The following C1orf115 variants were observed in gnomAD, a reference collection of about 807,000 sequenced individuals.
C1orf115 encodes the protein chromosome 1 open reading frame 115.
In C1orf115, 14 loss-of-function variants were observed where a neutral mutation model predicts 12.5. That is an observed-to-expected ratio of 1.12 (90% CI 0.74 to 1.75). The LOEUF is 1.75. C1orf115 is among the 40% of genes most tolerant of loss of function. The pLI, the probability that C1orf115 is intolerant of heterozygous loss-of-function variation, is 0.00. For missense variants in C1orf115, 237 were observed against 220.8 expected (o/e 1.07, Z -0.46); for synonymous variants, 109 against 104.6 (o/e 1.04, Z -0.26).
At position 220,697,307 on chromosome 1, in the gene C1orf115, G is replaced by A. The variant is rs567607062; in HGVS notation, c.*576G>A. The A allele has an allele frequency of 6.6e-6, 1 of 152,292 alleles. No individual in the cohort carries two copies. The highest frequency in any genetic ancestry group is 1.9e-4 in the East Asian group (1 of 5,180). The allele number at this position is 152,292 out of a possible 1,614,324, so 9.4% of individuals were successfully genotyped here. The stretch of plus-strand genomic sequence containing the variant: ...GCTTGAGGAGAAGAAAGGAAGAAAA[G>A]ATATCTTGATGCTTTGAAAACTGTG... On this transcript the variant is annotated 3_prime_UTR_variant, in exon 2 of 2. Coordinates refer to ENST00000294889, the MANE Select transcript of C1orf115 (RefSeq NM_024709.5). This position sits in a 1 kb window ranked among gnomAD's most constrained non-coding sequence, Gnocchi z 4.5.
intron 1 of C1orf115, among the ~76,000 whole-genome samples, chr1:220,691,836 C>CA (rs1487292034): frequency 6.6e-6 from 1 of 152,118 alleles, no homozygotes; most frequent in Non-Finnish European, 1.5e-5. Flanking sequence ...TTGTGCTGAG[C>CA]AGTAGAGATG....
At chr1:220,690,789 A>G (rs970771734) in intron 1 of C1orf115, 78 bp downstream of exon 1, 9 of 1,483,156 alleles carry the variant, frequency 6.1e-6, no homozygotes, top group Non-Finnish European at 8.1e-6. Context: ...GGTCCTTACC[A>G]TCGACTCACC....
Position 220,690,456 on chromosome 1 carries a change from C to A in C1orf115, c.54C>A (p.Arg18=). 1.4e-6 allele frequency: 2 copies of A among 1,448,414 alleles called. No individual in the cohort carries two copies. Among genetic ancestry groups the A allele is most frequent in the Admixed American group, 2.8e-5 (1 of 35,212 alleles). The allele number at this position is 1,448,414 out of a possible 1,614,324, so 89.7% of individuals were successfully genotyped here. A position where few individuals can be genotyped will look rare whatever the true frequency, so the allele number is the denominator to read the frequency against. ...RSKAESSLLR[R]GPRGRGRTEG... is the part of the protein sequence containing the mutation. Reference sequence around the variant, plus strand: ...AGGCGGAGAGCAGCCTCCTGCGCCGCGGGCCCCGAGGGCGAGGGCGAACCG... The same window carrying A: ...AGGCGGAGAGCAGCCTCCTGCGCCGAGGGCCCCGAGGGCGAGGGCGAACCG... The change falls in exon 1 of 2, where the codon CGC becomes CGA. Residue 18 remains arginine (R), a synonymous_variant. Transcript: ENST00000294889.
chr1:220,691,630 C>T (rs1670109456), intron 1 of C1orf115, among the ~76,000 whole-genome samples: 1 of 152,208 alleles, frequency 6.6e-6, no homozygotes, highest in Non-Finnish European at 1.5e-5. Flanking sequence ...GAGCAGAATA[C>T]AGGCAGGGGT....
At position 220,690,395 on chromosome 1, in the gene C1orf115, G is replaced by A. The variant is rs199949758; in HGVS notation, c.-8G>A. ...CGCTCGGACCTTCGCCAGAGGGGCC[G>A]GGACATCATGACGGTGGGAGCCAGG... On this transcript the variant is annotated 5_prime_UTR_variant, in exon 1 of 2. Coordinates refer to ENST00000294889, the MANE Select transcript of C1orf115 (RefSeq NM_024709.5). 2.3e-5 allele frequency: 32 copies of A among 1,413,586 alleles called. No homozygotes were observed. Among genetic ancestry groups the A allele is most frequent in the Non-Finnish European group, 2.9e-5 (32 of 1,091,912 alleles). The allele number at this position is 1,413,586 out of a possible 1,614,324, so 87.6% of individuals were successfully genotyped here. A position where few individuals can be genotyped will look rare whatever the true frequency, so the allele number is the denominator to read the frequency against.
At position 220,690,553 on chromosome 1, in the gene C1orf115, A is replaced by G; in HGVS notation, c.151A>G (p.Ser51Gly). 1 of 1,464,632 alleles carries G rather than the reference A, an allele frequency of 6.8e-7. No individual in the cohort carries two copies. The highest frequency in any genetic ancestry group is 1.4e-5 in the South Asian group (1 of 71,240). The allele number at this position is 1,464,632 out of a possible 1,614,324, so 90.7% of individuals were successfully genotyped here. The change falls in exon 1 of 2, where the codon AGC (serine) becomes GGC (glycine). Residue 51 changes from serine to glycine, a missense_variant. Coordinates refer to ENST00000294889, the MANE Select transcript of C1orf115 (RefSeq NM_024709.5). ...GGACGAGGCGGAGGCGGCGGCCGAG[A>G]GCGGGACGAGCGCGGCGGACGAGCG... Reference protein sequence around the residue: ...YADEAEAAAESGTSAADERGP... With the variant: ...YADEAEAAAEGGTSAADERGP...
At chr1:220,691,323 T>C (rs1670104105) in intron 1 of C1orf115, among the ~76,000 whole-genome samples, 2 of 152,052 alleles carry the variant, frequency 1.3e-5, no homozygotes, top group Non-Finnish European at 2.9e-5. Flanking sequence ...TTAGGAAGAA[T>C]GAATATGGGA....
intron 1 of C1orf115, among the ~76,000 whole-genome samples, chr1:220,695,401 C>T (rs750126070): frequency 6.6e-6 from 1 of 151,626 alleles, no homozygotes; most frequent in Non-Finnish European, 1.5e-5. Flanking sequence ...CTTTCTCCAC[C>T]GTAACACAGG....
At position 220,690,705 on chromosome 1, in the gene C1orf115, C is replaced by T. The variant is rs751460169; in HGVS notation, c.303C>T (p.Tyr101=). Residue 101 remains tyrosine, a synonymous_variant, in exon 1 of 2, where the codon TAC becomes TAT. Transcript: ENST00000294889. ...RKRYRRKLKK[Y]GKNVGKVIIK... ...GGTACCGGAGGAAGCTGAAGAAGTA[C>T]GGCAAGGTAGGGGCCCTGCGCCACC... 8 of 1,588,524 alleles carry T rather than the reference C, an allele frequency of 5.0e-6. No homozygotes were observed. The highest frequency in any genetic ancestry group is 1.4e-5 in the African/African-American group (1 of 73,702).
chr1:220,690,369 G>A lies in C1orf115; in HGVS notation c.-34G>A. 1.5e-6 allele frequency: 2 copies of A among 1,372,602 alleles called. No individual in the cohort carries two copies. The highest frequency in any genetic ancestry group is 1.9e-6 in the Non-Finnish European group (2 of 1,069,972). 85.0% of individuals were successfully genotyped at this position (1,372,602 alleles called of 1,614,324 possible). ...GCGGGGACCAAAGGTTGGTGTCTTT[G>A]CGCTCGGACCTTCGCCAGAGGGGCC... On this transcript the variant is annotated 5_prime_UTR_variant, in exon 1 of 2. Transcript: ENST00000294889.
intron 1 of C1orf115, among the ~76,000 whole-genome samples, chr1:220,695,048 G>T (rs1222515147): frequency 1.3e-5 from 2 of 152,170 alleles, no homozygotes; most frequent in African/African-American, 4.8e-5. Context: ...GTCAGGGAGA[G>T]AAAGACAGAA....
Position 220,698,146 on chromosome 1 carries a change from T to G in C1orf115, c.*1415T>G, listed in dbSNP as rs1437838745. ...AGTAGGCCACTGTTCTGACTTTGTT[T>G]CCAGAATATCCAGAAATCCAAAGGG... On this transcript the variant is annotated 3_prime_UTR_variant, in exon 2 of 2. Transcript: ENST00000294889. The G allele has an allele frequency of 6.6e-6, 1 of 152,360 alleles. No homozygotes were observed. The highest frequency in any genetic ancestry group is 2.4e-5 in the African/African-American group (1 of 41,414). 9.4% of individuals were successfully genotyped at this position (152,360 alleles called of 1,614,324 possible). A position where few individuals can be genotyped will look rare whatever the true frequency, so the allele number is the denominator to read the frequency against.
chr1:220,690,716 G>A lies in C1orf115; in HGVS notation c.309+5G>A. ...AAGCTGAAGAAGTACGGCAAGGTAG[G>A]GGCCCTGCGCCACCACTGCCCGGGG... On this transcript the variant is annotated splice_donor_5th_base_variant and intron_variant, in intron 1 of 1. Coordinates refer to ENST00000294889, the MANE Select transcript of C1orf115 (RefSeq NM_024709.5). 6.3e-7 allele frequency: 1 copy of A among 1,580,658 alleles called. No homozygotes were observed. Among genetic ancestry groups the A allele is most frequent in the Non-Finnish European group, 8.6e-7 (1 of 1,165,006 alleles).
chr1:220,690,697 A>G lies in C1orf115; in HGVS notation c.295A>G (p.Lys99Glu). 5 of 1,592,840 alleles carry G rather than the reference A, an allele frequency of 3.1e-6. No homozygotes were observed. Among genetic ancestry groups the G allele is most frequent in the Non-Finnish European group, 4.3e-6 (5 of 1,170,976 alleles). ...QPRKRYRRKL[K>E]KYGKNVGKVI... ...CAGGAAGAGGTACCGGAGGAAGCTG[A>G]AGAAGTACGGCAAGGTAGGGGCCCT... The change falls in exon 1 of 2, where the codon AAG (lysine) becomes GAG (glutamate). Residue 99 changes from lysine (K) to glutamate (E), a missense_variant. Lys to Glu is a moderately conservative substitution (Grantham distance 56). Coordinates refer to ENST00000294889, the MANE Select transcript of C1orf115 (RefSeq NM_024709.5).
intron 1 of C1orf115, among the ~76,000 whole-genome samples, chr1:220,694,927 T>C (rs964538862): frequency 6.6e-6 from 1 of 152,196 alleles, no homozygotes; most frequent in African/African-American, 2.4e-5. Flanking sequence ...AGGGATAATT[T>C]AGCAAAGAAA....
intron 1 of C1orf115, among the ~76,000 whole-genome samples, chr1:220,693,082 G>A (rs914383292): frequency 5.3e-5 from 8 of 152,170 alleles, no homozygotes; most frequent in Non-Finnish European, 2.9e-5. Context: ...ATATAAAGCA[G>A]GTGACCCCTC....
chr1:220,696,521 C>T (rs998191438), intron 1 of C1orf115, 91 bp from the exon 2 acceptor site: 38 of 1,378,030 alleles, frequency 2.8e-5, no homozygotes, highest in African/African-American at 8.6e-5. Flanking sequence ...TTATATATGT[C>T]GCCGTGACTC....
Position 220,690,581 on chromosome 1 carries a change from G to A in C1orf115, c.179G>A (p.Gly60Asp), listed in dbSNP as rs981083621. The change falls in exon 1 of 2, where the codon GGC (glycine) becomes GAC (aspartate). Residue 60 changes from glycine to aspartate, a missense_variant. Physicochemically the swap from Gly to Asp is moderately conservative, Grantham distance 94. Transcript: ENST00000294889. Reference sequence around the variant, plus strand: ...GGGACGAGCGCGGCGGACGAGCGGGGCCCGGGGACCCGGGGCGCGCGGAGG... The same window carrying A: ...GGGACGAGCGCGGCGGACGAGCGGGACCCGGGGACCCGGGGCGCGCGGAGG... ...ESGTSAADER[G>D]PGTRGARRVH... 7.7e-5 allele frequency: 116 copies of A among 1,507,030 alleles called. No individual in the cohort carries two copies. In the East Asian group the frequency reaches 8.3e-4, roughly 11 times the overall value. The allele number at this position is 1,507,030 out of a possible 1,614,324, so 93.4% of individuals were successfully genotyped here.
intron 1 of C1orf115, among the ~76,000 whole-genome samples, chr1:220,693,461 T>C (rs1048325980): frequency 1.3e-5 from 2 of 152,242 alleles, no homozygotes; most frequent in Admixed American, 6.5e-5. Context: ...TATGTTTTTC[T>C]TTTGTTGTTT....
Sources: gnomAD v4.1 joint callset for allele counts (sites outside exome capture counted in the v4.1 genomes callset) on GRCh38, gnomAD v4.1.1 for gene constraint, Gnocchi (gnomAD v3.1) non-coding constraint, MANE v1.5 for transcripts, NCBI Gene and HGNC (gene_info 2026-07-23, HGNC 2026-07-21) for gene names.